Variants in DOCK3 observed in about 807,000 individuals in gnomAD.
DOCK3 encodes the protein dedicator of cytokinesis protein 3.
In DOCK3, 60 loss-of-function variants were observed where a neutral mutation model predicts 265.6. That is an observed-to-expected ratio of 0.23 (90% CI 0.18 to 0.28). DOCK3 has a LOEUF of 0.28. DOCK3 is among the 10% of genes least tolerant of loss of function. DOCK3 has a pLI of 1.00. For missense variants in DOCK3, 1,981 were observed against 2,594.3 expected (o/e 0.76, Z 5.14); for synonymous variants, 881 against 938.0 (o/e 0.94, Z 1.11).
intron 4 of DOCK3, among the ~76,000 whole-genome samples, chr3:50,908,979 G>A (rs1317073495): frequency 1.3e-5 from 2 of 151,688 alleles, no homozygotes; most frequent in African/African-American, 2.4e-5. Context: ...GCCCTTCTTT[G>A]TCTTTTTTGA....
At chr3:51,052,078 C>A (rs1180279870) in intron 5 of DOCK3, among the ~76,000 whole-genome samples, 1 of 152,058 alleles carries the variant, frequency 6.6e-6, no homozygotes, top group Admixed American at 6.6e-5. Flanking sequence ...TCCATTGTCT[C>A]TATGTTAAAG....
intron 7 of DOCK3, among the ~76,000 whole-genome samples, chr3:51,078,481 C>T (rs921610307): frequency 9.9e-5 from 15 of 151,918 alleles, no homozygotes; most frequent in African/African-American, 3.6e-4. Context: ...TTTAAAGGGC[C>T]CAATGTAATT....
intron 4 of DOCK3, among the ~76,000 whole-genome samples, chr3:50,925,857 G>A (rs1349424221): frequency 2.6e-5 from 3 of 117,510 alleles, no homozygotes; most frequent in African/African-American, 1.3e-4. Flanking sequence ...TTGAGACAGA[G>A]TCTCACTCTG....
intron 25 of DOCK3, among the ~76,000 whole-genome samples, chr3:51,276,165 A>G (rs962343020): frequency 6.6e-6 from 1 of 152,218 alleles, no homozygotes; most frequent in Non-Finnish European, 1.5e-5. Flanking sequence ...ACAGGGACTC[A>G]ATAGGATACT....
intron 5 of DOCK3, among the ~76,000 whole-genome samples, chr3:51,000,338 A>G (rs1226358753): frequency 6.6e-6 from 1 of 152,216 alleles, no homozygotes; most frequent in East Asian, 1.9e-4. Context: ...CAAATAGACA[A>G]GTTAGAAAAG....
intron 14 of DOCK3, among the ~76,000 whole-genome samples, chr3:51,217,398 G>A (rs1435051368): frequency 1.4e-4 from 22 of 152,182 alleles, no homozygotes; most frequent in Admixed American, 1.4e-3. Flanking sequence ...ATTCAGTTCT[G>A]CTCATGACCC....
At chr3:50,897,247 A>G (rs535497420) in intron 4 of DOCK3, among the ~76,000 whole-genome samples, 74 of 152,164 alleles carry the variant, frequency 4.9e-4, no homozygotes, top group African/African-American at 1.1e-3. Context: ...CTTTGTAGCA[A>G]TTTTGAATGG....
chr3:50,918,463 G>A (rs564166756), intron 4 of DOCK3, among the ~76,000 whole-genome samples: 1 of 152,256 alleles, frequency 6.6e-6, no homozygotes, highest in South Asian at 2.1e-4. Flanking sequence ...TAACTGGTGT[G>A]AGATAGTATC....
At chr3:50,751,783 G>A (rs1318617250) in intron 1 of DOCK3, among the ~76,000 whole-genome samples, 3 of 152,170 alleles carry the variant, frequency 2.0e-5, no homozygotes, top group Non-Finnish European at 4.4e-5. Context: ...TGGCTGGGGA[G>A]GCCTTAGGAA....
intron 39 of DOCK3, 98 bp downstream of exon 39, chr3:51,349,036 A>G (rs2085788664): frequency 8.4e-7 from 1 of 1,187,354 alleles, no homozygotes; most frequent in East Asian, 2.6e-5. Flanking sequence ...GCTGTGGACA[A>G]TACAAGAGAA....
intron 43 of DOCK3, 145 bp from the exon 44 acceptor site, chr3:51,356,817 A>C: frequency 1.0e-6 from 1 of 955,074 alleles, no homozygotes; most frequent in East Asian, 2.7e-5. Flanking sequence ...ATCAGACAAC[A>C]GAAGTGGAAA....
intron 4 of DOCK3, among the ~76,000 whole-genome samples, chr3:50,920,064 A>G (rs1196435262): frequency 2.0e-5 from 3 of 152,236 alleles, no homozygotes; most frequent in Admixed American, 1.3e-4. Context: ...ATTGATTTGC[A>G]TATGTTGAAC....
chr3:51,336,008 AAAAG>A (rs1167750375), intron 35 of DOCK3, among the ~76,000 whole-genome samples: 3 of 150,692 alleles, frequency 2.0e-5, no homozygotes, highest in African/African-American at 4.9e-5. Context: ...AAAAAAAAAG[AAAAG>A]AAAAGAAAAA....
chr3:51,381,613 C>T lies in DOCK3; in HGVS notation c.*54C>T. On this transcript the variant is annotated 3_prime_UTR_variant, in exon 53 of 53. Coordinates refer to ENST00000266037, the MANE Select transcript of DOCK3 (RefSeq NM_004947.5). This position sits in a 1 kb window ranked among gnomAD's most constrained non-coding sequence, Gnocchi z 5.6. ...CTCAGTAAGCAGCTTGCCAATCACT[C>T]CAGGTCTGAAAAGCAAGTCCCCCAG... The T allele has an allele frequency of 6.9e-7, 1 of 1,445,998 alleles. No homozygotes were observed. The highest frequency in any genetic ancestry group is 1.5e-5 in the South Asian group (1 of 68,162). The allele number at this position is 1,445,998 out of a possible 1,614,324, so 89.6% of individuals were successfully genotyped here.
chr3:51,161,347 G>A (rs1356029469), intron 12 of DOCK3, among the ~76,000 whole-genome samples: 1 of 151,858 alleles, frequency 6.6e-6, no homozygotes, highest in African/African-American at 2.4e-5. Context: ...GGGAGGCTGA[G>A]GCAGGAGAAT....
intron 9 of DOCK3, among the ~76,000 whole-genome samples, chr3:51,095,222 T>C (rs994297805): frequency 1.3e-5 from 2 of 152,212 alleles, no homozygotes; most frequent in African/African-American, 4.8e-5. Context: ...CTGGTTATTT[T>C]GCCCATTCGT....
At chr3:50,988,536 G>A (rs907746632) in intron 5 of DOCK3, among the ~76,000 whole-genome samples, 4 of 152,180 alleles carry the variant, frequency 2.6e-5, no homozygotes, top group Admixed American at 2.0e-4. Flanking sequence ...CTACCAAAAT[G>A]TGGTGAGATT....
At chr3:51,043,009 G>A (rs1175648400) in intron 5 of DOCK3, among the ~76,000 whole-genome samples, 2 of 152,074 alleles carry the variant, frequency 1.3e-5, no homozygotes, top group Non-Finnish European at 2.9e-5. Flanking sequence ...AATTAAAACG[G>A]CCATACTGCC....
At chr3:51,281,274 A>AATATATATATATATATATATATATATAT (rs56084027) in intron 27 of DOCK3, among the ~76,000 whole-genome samples, 14 of 125,676 alleles carry the variant, frequency 1.1e-4, no homozygotes, top group African/African-American at 4.3e-4. Flanking sequence ...GATGAGCTAA[A>AATATATATATATATATATATATATATAT]ATATATATAT....
Sources: gnomAD v4.1 joint callset for allele counts (sites outside exome capture counted in the v4.1 genomes callset) on GRCh38, gnomAD v4.1.1 for gene constraint, Gnocchi (gnomAD v3.1) non-coding constraint, MANE v1.5 for transcripts, NCBI Gene and HGNC (gene_info 2026-07-23, HGNC 2026-07-21) for gene names.